The following SAMD5 variants were observed in gnomAD, a reference collection of about 807,000 sequenced individuals.
SAMD5 encodes sterile alpha motif domain containing 5.
SAMD5 carries 13 observed loss-of-function variants against 11.3 expected under a neutral mutation model. The observed-to-expected ratio is 1.15, with a 90% CI of 0.75 to 1.83. The LOEUF is 1.83. SAMD5 is among the 40% of genes most tolerant of loss of function. The pLI is 0.00. For synonymous variants in SAMD5, 129 were observed against 111.3 expected, an observed-to-expected ratio of 1.16 and a Z score of -1.00; for missense variants, 255 against 239.1, an observed-to-expected ratio of 1.07 and a Z score of -0.44.
chr6:147,915,258 C>T, the SAMD5 span, among the ~76,000 whole-genome samples: 1 of 152,136 alleles, frequency 6.6e-6, no homozygotes, highest in African/African-American at 2.4e-5. Context: ...ATGTACGTTA[C>T]ACCCTCCAAT....
intron 1 of SAMD5, among the ~76,000 whole-genome samples, chr6:147,583,354 T>C (rs936880625): frequency 2.0e-5 from 3 of 152,242 alleles, no homozygotes; most frequent in African/African-American, 4.8e-5. Flanking sequence ...GATTACATTC[T>C]AAACAAGTGG....
chr6:147,785,102 G>GT, the SAMD5 span, among the ~76,000 whole-genome samples: 1 of 152,212 alleles, frequency 6.6e-6, no homozygotes, highest in African/African-American at 2.4e-5. Flanking sequence ...TCAAAAAGAG[G>GT]TATGAGCATA....
chr6:147,852,812 G>A, the SAMD5 span, among the ~76,000 whole-genome samples: 1 of 152,078 alleles, frequency 6.6e-6, no homozygotes, highest in African/African-American at 2.4e-5. Flanking sequence ...ACCAACACAT[G>A]GCTCTTTTCT....
the SAMD5 span, among the ~76,000 whole-genome samples, chr6:147,822,636 T>A: frequency 2.0e-5 from 3 of 152,186 alleles, no homozygotes; most frequent in African/African-American, 7.2e-5. Context: ...AACCCTTGGT[T>A]ATAAGAAGTC....
intron 1 of SAMD5, among the ~76,000 whole-genome samples, chr6:147,634,534 A>C (rs1209705335): frequency 1.3e-5 from 2 of 152,222 alleles, no homozygotes; most frequent in African/African-American, 4.8e-5. Flanking sequence ...ATCTGTCCAC[A>C]TTGTGACACG....
rs191452262 is a variant in SAMD5 at position 147,683,848 on chromosome 6, G to C, written c.163-53469G>C. The stretch of plus-strand genomic sequence containing the variant: ...CAGAAAGCACTTCAGGTATCTTCAG[G>C]GTTTCTTGGACCATTTCAGAATTAC... On this transcript the variant is annotated intron_variant, in intron 1 of 1. Transcript: ENST00000566741. Among the ~76,000 whole-genome samples the C allele has an allele frequency of 3.5e-4, 53 of 151,886 alleles. 1 individual carries two copies. The East Asian group carries it at 8.7e-3, about 25-fold the overall frequency.
At chr6:147,861,617 C>T in the SAMD5 span, among the ~76,000 whole-genome samples, 1 of 152,164 alleles carries the variant, frequency 6.6e-6, no homozygotes, top group Non-Finnish European at 1.5e-5. Context: ...ACCTGATGCT[C>T]AGGGCCCAGG....
chr6:147,567,449 A>G lies in SAMD5; in HGVS notation c.*2993A>G. The G allele has an allele frequency of 1.0e-6, 1 of 984,012 alleles. No homozygotes were observed. The highest frequency in any genetic ancestry group is 1.2e-6 in the Non-Finnish European group (1 of 828,646). 61.0% of individuals were successfully genotyped at this position (984,012 alleles called of 1,614,324 possible). On this transcript the variant is annotated 3_prime_UTR_variant, in exon 2 of 2. Transcript: ENST00000367474. ...AGTATTTTCCTGCGGTGAATCTGTT[A>G]AGGATGTAAGCTATAGTGTAGCTTG...
At chr6:147,913,601 C>T in the SAMD5 span, among the ~76,000 whole-genome samples, 2 of 152,108 alleles carry the variant, frequency 1.3e-5, no homozygotes, top group African/African-American at 4.8e-5. Flanking sequence ...GAGGCTGAGG[C>T]AGGAGAATCT....
chr6:147,870,480 G>GTA, the SAMD5 span, among the ~76,000 whole-genome samples: 12 of 136,900 alleles, frequency 8.8e-5, no homozygotes, highest in South Asian at 2.2e-4. Context: ...GTGTGTGTGT[G>GTA]TGTATATATA....
chr6:147,771,738 T>C, the SAMD5 span, among the ~76,000 whole-genome samples: 1 of 152,198 alleles, frequency 6.6e-6, no homozygotes, highest in Non-Finnish European at 1.5e-5. Context: ...CACTGGTGTC[T>C]TTCTCTTCAT....
chr6:147,731,408 C>G (rs910388324), intron 1 of SAMD5, among the ~76,000 whole-genome samples: 1 of 152,148 alleles, frequency 6.6e-6, no homozygotes, highest in Non-Finnish European at 1.5e-5. Flanking sequence ...TCTTTATAAC[C>G]TGTTAACTCA....
chr6:147,825,029 T>C, the SAMD5 span, among the ~76,000 whole-genome samples: 677 of 152,290 alleles, frequency 4.4e-3, 14 homozygotes, highest in South Asian at 0.039. Flanking sequence ...GGACGGTGAC[T>C]CATGCCTGTA....
the SAMD5 span, among the ~76,000 whole-genome samples, chr6:147,752,454 C>T: frequency 6.6e-6 from 1 of 152,222 alleles, no homozygotes; most frequent in South Asian, 2.1e-4. Flanking sequence ...TTTTGGAAAG[C>T]AGAAAGAACT....
intron 1 of SAMD5, among the ~76,000 whole-genome samples, chr6:147,726,015 G>A (rs1791621047): frequency 6.6e-6 from 1 of 152,198 alleles, no homozygotes; most frequent in African/African-American, 2.4e-5. Context: ...AAACAGATTA[G>A]CTGTAGATAA....
chr6:147,836,303 C>G, the SAMD5 span, among the ~76,000 whole-genome samples: 1 of 152,176 alleles, frequency 6.6e-6, no homozygotes, highest in African/African-American at 2.4e-5. Flanking sequence ...AATTACCTGT[C>G]TACTTATGCG....
At chr6:147,808,735 A>C in the SAMD5 span, among the ~76,000 whole-genome samples, 1 of 152,214 alleles carries the variant, frequency 6.6e-6, no homozygotes. Context: ...TTGAATCGTC[A>C]TAGTTCTGTT....
chr6:147,636,448 T>G (rs1483971055), intron 1 of SAMD5, among the ~76,000 whole-genome samples: 2 of 152,226 alleles, frequency 1.3e-5, no homozygotes, highest in Non-Finnish European at 2.9e-5. Context: ...AGTAATTCAT[T>G]GATATGAGCA....
chr6:147,648,988 G>A (rs929367754), intron 1 of SAMD5, among the ~76,000 whole-genome samples: 2 of 152,162 alleles, frequency 1.3e-5, no homozygotes, highest in Non-Finnish European at 2.9e-5. Context: ...AGAATTAATC[G>A]TGGAAGTGCA....
Sources: allele counts gnomAD v4.1 joint callset (sites outside exome capture counted in the v4.1 genomes callset), GRCh38; gene constraint gnomAD v4.1.1; transcripts MANE v1.5; gene names NCBI Gene and HGNC (gene_info 2026-07-23, HGNC 2026-07-21).